Variants in NEGR1 observed in about 807,000 individuals in gnomAD.
NEGR1 encodes IgLON family member 4.
NEGR1 carries 10 observed loss-of-function variants against 40.9 expected under a neutral mutation model. The observed-to-expected ratio is 0.24, with a 90% CI of 0.15 to 0.42. NEGR1 has a LOEUF of 0.42. Ranked by LOEUF, NEGR1 falls within the 10% of genes least tolerant of loss-of-function variation. The probability of loss-of-function intolerance (pLI) is 1.00; values close to 1 mark genes in which losing one functional copy is unlikely to be tolerated. For missense variants in NEGR1, 352 were observed against 438.9 expected (o/e 0.80, Z 1.77); for synonymous variants, 185 against 166.8 (o/e 1.11, Z -0.84).
intron 2 of NEGR1, among the ~76,000 whole-genome samples, chr1:71,818,840 G>A (rs1043196845): frequency 7.9e-5 from 12 of 151,762 alleles, no homozygotes; most frequent in South Asian, 2.1e-4. Context: ...AATAAAACAC[G>A]ACATCCATAG....
intron 2 of NEGR1, among the ~76,000 whole-genome samples, chr1:71,883,095 T>C (rs1431322426): frequency 6.6e-6 from 1 of 152,178 alleles, no homozygotes; most frequent in Non-Finnish European, 1.5e-5. Context: ...TATAAATCTT[T>C]TGGGGCCTCA....
chr1:71,858,652 A>G (rs560111831), intron 2 of NEGR1, among the ~76,000 whole-genome samples: 1 of 152,206 alleles, frequency 6.6e-6, no homozygotes, highest in South Asian at 2.1e-4. Flanking sequence ...AAAACAAATG[A>G]ACAAACAAAA....
chr1:71,584,401 T>G (rs1649233144), intron 6 of NEGR1, among the ~76,000 whole-genome samples: 1 of 152,194 alleles, frequency 6.6e-6, no homozygotes, highest in Admixed American at 6.5e-5. Context: ...ATTTACTTTT[T>G]CGTTTAGTGG....
intron 1 of NEGR1, among the ~76,000 whole-genome samples, chr1:72,049,422 G>T (rs1266920372): frequency 6.6e-6 from 1 of 151,640 alleles, no homozygotes; most frequent in African/African-American, 2.4e-5. Flanking sequence ...CCAAGGCAGA[G>T]AAAATAGTAA....
chr1:71,871,886 T>A (rs1660289384), intron 2 of NEGR1, among the ~76,000 whole-genome samples: 1 of 152,214 alleles, frequency 6.6e-6, no homozygotes, highest in Admixed American at 6.5e-5. Flanking sequence ...CTATTTGAGA[T>A]TAACTGAAAT....
intron 3 of NEGR1, among the ~76,000 whole-genome samples, chr1:71,708,539 C>T (rs1417130072): frequency 6.6e-6 from 1 of 151,850 alleles, no homozygotes; most frequent in Non-Finnish European, 1.5e-5. Flanking sequence ...TCCAGAATAG[C>T]CAAAGTTAGC....
intron 1 of NEGR1, among the ~76,000 whole-genome samples, chr1:72,180,914 A>G (rs1652343401): frequency 6.6e-6 from 1 of 151,866 alleles, no homozygotes; most frequent in Admixed American, 6.6e-5. Flanking sequence ...TTTTTTTTCT[A>G]TAGCTTCCTC....
chr1:71,726,634 T>C (rs1654686122), intron 3 of NEGR1, among the ~76,000 whole-genome samples: 1 of 152,092 alleles, frequency 6.6e-6, no homozygotes, highest in Non-Finnish European at 1.5e-5. Flanking sequence ...CTTAATGTCT[T>C]TAATCTCAGA....
At chr1:71,552,765 G>A (rs1163346118) in intron 6 of NEGR1, among the ~76,000 whole-genome samples, 1 of 151,010 alleles carries the variant, frequency 6.6e-6, no homozygotes, top group East Asian at 2.0e-4. Context: ...ATAAAATCTG[G>A]GTTTACTGCT....
chr1:71,730,964 A>C (rs1432907502), intron 3 of NEGR1, among the ~76,000 whole-genome samples: 1 of 151,604 alleles, frequency 6.6e-6, no homozygotes, highest in Non-Finnish European at 1.5e-5. Flanking sequence ...TGGAAAAGAA[A>C]GCTAAAGGTC....
intron 2 of NEGR1, among the ~76,000 whole-genome samples, chr1:71,834,359 T>C (rs780382570): frequency 1.3e-5 from 2 of 151,932 alleles, no homozygotes; most frequent in African/African-American, 2.4e-5. Context: ...CTGAGTAAAA[T>C]AAATTGACCT....
intron 1 of NEGR1, among the ~76,000 whole-genome samples, chr1:72,185,826 C>A (rs898568506): frequency 1.3e-5 from 2 of 151,670 alleles, no homozygotes; most frequent in Admixed American, 6.6e-5. Context: ...TTAAGTTGTC[C>A]CGCACCCAAT....
intron 1 of NEGR1, among the ~76,000 whole-genome samples, chr1:72,209,379 A>G (rs938930444): frequency 3.3e-5 from 5 of 151,594 alleles, no homozygotes; most frequent in African/African-American, 1.2e-4. Context: ...TATCAGTGCC[A>G]TTTTTCAGAC....
chr1:72,101,251 A>G (rs1211431053), intron 1 of NEGR1, among the ~76,000 whole-genome samples: 1 of 152,214 alleles, frequency 6.6e-6, no homozygotes, highest in Non-Finnish European at 1.5e-5. Flanking sequence ...TAACAAAATA[A>G]AAACCTAAGA....
intron 3 of NEGR1, among the ~76,000 whole-genome samples, chr1:71,772,844 A>G (rs966592100): frequency 2.6e-5 from 4 of 152,228 alleles, no homozygotes; most frequent in African/African-American, 9.6e-5. Context: ...GCAAATTGAC[A>G]AAATCCCAAT....
chr1:71,792,303 C>T (rs954388014), intron 2 of NEGR1, among the ~76,000 whole-genome samples: 30 of 152,192 alleles, frequency 2.0e-4, no homozygotes, highest in Middle Eastern at 3.4e-3. Flanking sequence ...TCAAGTGTTT[C>T]TACCTAAGCA....
intron 2 of NEGR1, among the ~76,000 whole-genome samples, chr1:71,896,460 A>T (rs1660976932): frequency 6.6e-6 from 1 of 152,188 alleles, no homozygotes. Flanking sequence ...GCCTTATCTA[A>T]GATATTAATA....
At chr1:72,030,206 T>C (rs1490336610) in intron 1 of NEGR1, among the ~76,000 whole-genome samples, 1 of 151,816 alleles carries the variant, frequency 6.6e-6, no homozygotes, top group Non-Finnish European at 1.5e-5. Context: ...TTTTTTTTTT[T>C]CTTTTTGAGA....
chr1:71,536,558 C>A (rs1009469222), intron 6 of NEGR1, among the ~76,000 whole-genome samples: 1 of 151,698 alleles, frequency 6.6e-6, no homozygotes, highest in Non-Finnish European at 1.5e-5. Context: ...AAATAAAACT[C>A]TTTTCTTTGT....
Sources: allele counts gnomAD v4.1 joint callset (sites outside exome capture counted in the v4.1 genomes callset), GRCh38; gene constraint gnomAD v4.1.1; transcripts MANE v1.5; gene names NCBI Gene and HGNC (gene_info 2026-07-23, HGNC 2026-07-21).